The following ATIC variants were observed in gnomAD, a reference collection of about 807,000 sequenced individuals.
ATIC encodes the protein 5-aminoimidazole-4-carboxamide ribonucleotide formyltransferase/IMP cyclohydrolase, also known as bifunctional purine biosynthesis protein ATIC.
A neutral mutation model predicts 72.5 loss-of-function variants in ATIC; 64 were observed. The ratio of observed to expected loss-of-function variants is 0.88; its 90% CI spans 0.72 to 1.09. The LOEUF (loss-of-function observed/expected upper bound fraction) is 1.09. Ranked by LOEUF, ATIC falls within the 50% of genes least tolerant of loss-of-function variation. ATIC has a pLI of 0.00. For missense variants in ATIC, 787 were observed against 732.4 expected (o/e 1.07, Z -0.86); for synonymous variants, 281 against 267.1 (o/e 1.05, Z -0.51).
At position 215,326,542 on chromosome 2, in the gene ATIC, G is replaced by A. The variant is rs142306056; in HGVS notation, c.532-280G>A. ...GGAGAATCGCTTGAACCCAGGAGGT[G>A]GAAGTTGCAGTAAGCTGACATCACA... is the stretch of plus-strand genomic sequence containing the variant. On this transcript the variant is annotated intron_variant, in intron 6 of 15. Transcript: ENST00000236959. 6.4e-4 allele frequency among the ~76,000 whole-genome samples: 97 copies of A among 151,818 alleles called. 1 individual carries two copies. In the East Asian group the frequency reaches 0.015, roughly 23 times the overall value.
intron 7 of ATIC, among the ~76,000 whole-genome samples, chr2:215,328,121 A>G (rs1459776565): frequency 6.6e-6 from 1 of 151,800 alleles, no homozygotes; most frequent in East Asian, 1.9e-4. Context: ...TTATCTGCCT[A>G]TCTCAGCCTC....
intron 2 of ATIC, among the ~76,000 whole-genome samples, chr2:215,312,845 T>C (rs780461597): frequency 4.5e-4 from 69 of 152,160 alleles, no homozygotes; most frequent in Non-Finnish European, 7.6e-4. Context: ...ACGCATGTAA[T>C]CCCAGCACTT....
chr2:215,325,701 T>G (rs961308911), intron 5 of ATIC, among the ~76,000 whole-genome samples: 1 of 152,114 alleles, frequency 6.6e-6, no homozygotes, highest in Non-Finnish European at 1.5e-5. Flanking sequence ...TAGCTGGGAT[T>G]ACAGGTGCAC....
intron 12 of ATIC, among the ~76,000 whole-genome samples, chr2:215,341,192 G>A (rs552548581): frequency 9.1e-4 from 138 of 152,248 alleles, no homozygotes; most frequent in South Asian, 8.5e-3. Context: ...ACAATTAATG[G>A]TGTCCTGAAG....
intron 3 of ATIC, among the ~76,000 whole-genome samples, chr2:215,318,675 G>A (rs1022142507): frequency 6.6e-6 from 1 of 151,978 alleles, no homozygotes; most frequent in Non-Finnish European, 1.5e-5. Context: ...GCAAGAAACT[G>A]GTATCCTCCT....
At chr2:215,318,597 A>ATT (rs995821687) in intron 3 of ATIC, among the ~76,000 whole-genome samples, 3 of 150,892 alleles carry the variant, frequency 2.0e-5, no homozygotes, top group African/African-American at 7.3e-5. Context: ...TTGCAAAGGA[A>ATT]TTTTTTTTTT....
the ATIC span, chr2:215,364,917 C>CG: frequency 6.4e-7 from 1 of 1,572,742 alleles, no homozygotes; most frequent in Non-Finnish European, 8.6e-7. Flanking sequence ...CAAATGGCAC[C>CG]GAGATATTCC....
intron 10 of ATIC, 160 bp from the exon 11 acceptor site, chr2:215,335,875 A>G (rs1160039956): frequency 4.9e-6 from 3 of 616,244 alleles, no homozygotes; most frequent in African/African-American, 1.9e-5. Flanking sequence ...GCTGTATTCT[A>G]ATAGATTTCT....
chr2:215,312,079 C>A lies in ATIC; in HGVS notation c.-64C>A. On this transcript the variant is annotated 5_prime_UTR_variant, in exon 1 of 16. Transcript: ENST00000236959. ...GAGCCGCCACATCCCGGCAGCCCTCCTACCTGCGCACGTGGTGCCGCCGCT... is the reference window on the plus strand; with the variant it reads ...GAGCCGCCACATCCCGGCAGCCCTCATACCTGCGCACGTGGTGCCGCCGCT... 1 of 1,529,480 alleles carries A rather than the reference C, an allele frequency of 6.5e-7. No homozygotes were observed. The highest frequency in any genetic ancestry group is 1.2e-5 in the South Asian group (1 of 83,234). The allele number at this position is 1,529,480 out of a possible 1,614,324, so 94.7% of individuals were successfully genotyped here.
At chr2:215,353,432 A>C (rs2053145290), downstream of ATIC, among the ~76,000 whole-genome samples, 1 of 151,986 alleles carries the variant, frequency 6.6e-6, no homozygotes, top group South Asian at 2.1e-4. Context: ...AGACTTTCTA[A>C]GGTTTGTGTT....
intron 4 of ATIC, 177 bp from the exon 5 acceptor site, chr2:215,325,064 A>G: frequency 3.4e-6 from 2 of 582,820 alleles, no homozygotes; most frequent in Non-Finnish European, 6.2e-6. Flanking sequence ...CCCCAGCAGG[A>G]CACCCTGACT....
chr2:215,312,403 C>A, intron 1 of ATIC, 95 bp from the exon 2 acceptor site: 2 of 1,599,220 alleles, frequency 1.3e-6, no homozygotes, highest in South Asian at 1.1e-5. Context: ...GCTGGCCTTG[C>A]GATTCGAGAA....
chr2:215,335,000 G>A lies in ATIC; in HGVS notation c.1004G>A (p.Arg335Lys), dbSNP rs150500567. The A allele has an allele frequency of 1.2e-5, 20 of 1,611,420 alleles. No individual in the cohort carries two copies. Among genetic ancestry groups the A allele is most frequent in the Non-Finnish European group, 1.5e-5 (18 of 1,178,018 alleles). Reference sequence around the variant, plus strand: ...GTACCAACTGCAAAAATTATTTCCAGAGAAGTTAGTGGACATTCATGTATC... The same window carrying A: ...GTACCAACTGCAAAAATTATTTCCAAAGAAGTTAGTGGACATTCATGTATC... The part of the protein sequence containing the change: ...CDVPTAKIIS[R>K]EVSDGIIAPG... Residue 335 changes from arginine to lysine, a missense_variant, in exon 10 of 16, where the codon AGA becomes AAA. Arg to Lys is a conservative substitution (Grantham distance 26). Coordinates refer to ENST00000236959, the MANE Select transcript of ATIC (RefSeq NM_004044.7).
chr2:215,361,533 TC>T, the ATIC span: 1 of 1,527,260 alleles, frequency 6.5e-7, no homozygotes. Flanking sequence ...ACATGCTTGT[TC>T]CTCTGGATTG....
chr2:215,355,420 AT>A, the ATIC span, among the ~76,000 whole-genome samples: 1 of 152,080 alleles, frequency 6.6e-6, no homozygotes, highest in Non-Finnish European at 1.5e-5. Context: ...GTGTATTTCT[AT>A]TGGGGGATCC....
intron 4 of ATIC, among the ~76,000 whole-genome samples, chr2:215,324,116 C>T (rs947973056): frequency 7.2e-5 from 11 of 151,940 alleles, no homozygotes; most frequent in African/African-American, 2.2e-4. Context: ...ACGCTGGTCT[C>T]GAACTTCTGA....
chr2:215,326,926 A>C lies in ATIC; in HGVS notation c.636A>C (p.Pro212=), dbSNP rs1195130617. 1 of 1,614,078 alleles carries C rather than the reference A, an allele frequency of 6.2e-7. No individual in the cohort carries two copies. ...SQMPLRYGMN[P]HQTPAQLYTL... is the part of the protein sequence containing the mutation. ...TGCCCTTGAGATATGGAATGAACCC[A>C]CATCAGACCCCTGCCCAGCTGTACA... The change falls in exon 7 of 16, where the codon CCA becomes CCC. Residue 212 remains proline (P), a synonymous_variant. Coordinates refer to ENST00000236959, the MANE Select transcript of ATIC (RefSeq NM_004044.7).
At chr2:215,341,832 T>TA (rs1559278252) in intron 12 of ATIC, among the ~76,000 whole-genome samples, 1 of 152,186 alleles carries the variant, frequency 6.6e-6, no homozygotes, top group Non-Finnish European at 1.5e-5. Flanking sequence ...TATTAGTTTT[T>TA]ATCACGCTGC....
intron 4 of ATIC, 142 bp from the exon 5 acceptor site, chr2:215,325,098 TA>T: frequency 1.5e-6 from 1 of 676,092 alleles, no homozygotes; most frequent in Non-Finnish European, 2.6e-6. Context: ...GTTAGAATTC[TA>T]AAATGTCAGG....
Sources: gnomAD v4.1 joint callset for allele counts (sites outside exome capture counted in the v4.1 genomes callset) on GRCh38, gnomAD v4.1.1 for gene constraint, MANE v1.5 for transcripts, NCBI Gene and HGNC (gene_info 2026-07-23, HGNC 2026-07-21) for gene names.